The following DOCK1 variants were observed in gnomAD, a reference collection of about 807,000 sequenced individuals.
DOCK1 encodes the protein dedicator of cytokinesis 1.
Under a neutral mutation model 262.7 loss-of-function variants are expected in DOCK1, and 138 were observed. The observed-to-expected ratio is 0.53, with a 90% CI of 0.46 to 0.61. DOCK1 has a LOEUF of 0.61. Ranked by LOEUF, DOCK1 falls within the 20% of genes least tolerant of loss-of-function variation. The pLI is 0.00. For missense variants in DOCK1, 1,908 were observed against 2,370.7 expected (o/e 0.80, Z 4.05); for synonymous variants, 866 against 867.4 (o/e 1.00, Z 0.03).
intron 27 of DOCK1, among the ~76,000 whole-genome samples, chr10:127,241,142 G>A (rs1195098959): frequency 6.6e-6 from 1 of 152,080 alleles, no homozygotes; most frequent in East Asian, 1.9e-4. Context: ...GGCCAACCTG[G>A]CAAAACCCTG....
chr10:127,404,472 C>T (rs745326965), intron 40 of DOCK1, 43 bp downstream of exon 40: 58 of 1,574,702 alleles, frequency 3.7e-5, no homozygotes, highest in Middle Eastern at 1.7e-4. Context: ...ATTGTTCCCC[C>T]AGCAGAAAAT....
intron 27 of DOCK1, among the ~76,000 whole-genome samples, chr10:127,173,784 G>A (rs1361946771): frequency 6.6e-6 from 1 of 152,188 alleles, no homozygotes; most frequent in Non-Finnish European, 1.5e-5. Flanking sequence ...CTGTACTGAT[G>A]GAAATGGGAT....
chr10:127,007,211 A>C (rs1185594544), intron 10 of DOCK1, among the ~76,000 whole-genome samples: 1 of 151,986 alleles, frequency 6.6e-6, no homozygotes, highest in Non-Finnish European at 1.5e-5. Flanking sequence ...GAGTGGAGTG[A>C]GTGTGGGTGT....
At chr10:126,951,823 T>A (rs2134406844) in intron 1 of DOCK1, among the ~76,000 whole-genome samples, 1 of 151,296 alleles carries the variant, frequency 6.6e-6, no homozygotes, top group African/African-American at 2.4e-5. Context: ...ACTGAGTAAA[T>A]GACTATGTAA....
At chr10:127,249,430 TATACACACACAC>T (rs1399184906) in intron 28 of DOCK1, among the ~76,000 whole-genome samples, 7 of 132,096 alleles carry the variant, frequency 5.3e-5, no homozygotes, top group Admixed American at 4.6e-4. Flanking sequence ...TACATATATA[TATACACACACAC>T]ACACACACAC....
intron 2 of DOCK1, 42 bp downstream of exon 2, chr10:126,970,827 A>C: frequency 6.3e-7 from 1 of 1,596,458 alleles, no homozygotes; most frequent in Non-Finnish European, 8.6e-7. Context: ...CATTTTGGGC[A>C]GATGGCACAC....
At chr10:127,235,781 G>C (rs1300190587) in intron 27 of DOCK1, among the ~76,000 whole-genome samples, 1 of 73,192 alleles carries the variant, frequency 1.4e-5, no homozygotes, top group African/African-American at 3.9e-5. Context: ...GCATCTTTGT[G>C]GTGGTTGTTT....
intron 31 of DOCK1, among the ~76,000 whole-genome samples, chr10:127,350,379 A>G (rs1252350048): frequency 6.6e-6 from 1 of 151,050 alleles, no homozygotes; most frequent in Admixed American, 6.6e-5. Flanking sequence ...GCACTCCCCT[A>G]CTCCCTCCCT....
At chr10:127,024,097 C>T (rs2042648833) in intron 14 of DOCK1, among the ~76,000 whole-genome samples, 1 of 152,140 alleles carries the variant, frequency 6.6e-6, no homozygotes, top group Non-Finnish European at 1.5e-5. Context: ...AGCTGCTGTC[C>T]CTGTGAGGTG....
At chr10:127,262,340 C>G (rs981536333) in intron 29 of DOCK1, among the ~76,000 whole-genome samples, 1 of 151,984 alleles carries the variant, frequency 6.6e-6, no homozygotes, top group Non-Finnish European at 1.5e-5. Context: ...TGCAGAGATT[C>G]TTACTCTCAG....
Position 127,385,173 on chromosome 10 carries a change from C to G in DOCK1, c.3927+264C>G, listed in dbSNP as rs1485859671. Reference sequence around the variant, plus strand: ...TTACCAGAGGGAACTAAGTCTGGAACACTGATTCGGAGGTGTTTCCGTGCC... The same window carrying G: ...TTACCAGAGGGAACTAAGTCTGGAAGACTGATTCGGAGGTGTTTCCGTGCC... On this transcript the variant is annotated intron_variant, in intron 38 of 51. Transcript: ENST00000623213. Among the ~76,000 whole-genome samples the G allele has an allele frequency of 4.6e-5, 7 of 152,174 alleles. No individual in the cohort carries two copies. The East Asian group carries it at 1.4e-3, about 29-fold the overall frequency.
Position 127,367,495 on chromosome 10 carries a change from C to G in DOCK1, c.3432+5283C>G, listed in dbSNP as rs77971378. Reference sequence around the variant, plus strand: ...CAGTGAGTGCCTTAGGTCAGCTTGACAGCACTCGCTCTGGGGAGGTGGCGA... The same window carrying G: ...CAGTGAGTGCCTTAGGTCAGCTTGAGAGCACTCGCTCTGGGGAGGTGGCGA... On this transcript the variant is annotated intron_variant, in intron 33 of 51. Transcript: ENST00000623213. 1.9e-3 allele frequency among the ~76,000 whole-genome samples: 296 copies of G among 152,236 alleles called. 1 individual carries two copies. The highest frequency in any genetic ancestry group is 6.9e-3 in the African/African-American group (288 of 41,538).
At chr10:127,123,761 C>T (rs905917130) in intron 25 of DOCK1, among the ~76,000 whole-genome samples, 3 of 152,168 alleles carry the variant, frequency 2.0e-5, no homozygotes, top group Non-Finnish European at 2.9e-5. Flanking sequence ...GTCTCCTACA[C>T]GGGCAGCCCA....
chr10:127,264,589 G>A (rs182033539), intron 29 of DOCK1, among the ~76,000 whole-genome samples: 4 of 152,236 alleles, frequency 2.6e-5, no homozygotes, highest in Admixed American at 1.3e-4. Flanking sequence ...CAAATAAGAC[G>A]GTTGCCGGGT....
intron 15 of DOCK1, 90 bp from the exon 16 acceptor site, chr10:127,026,262 A>G (rs1476727185): frequency 6.6e-6 from 8 of 1,215,066 alleles, no homozygotes; most frequent in African/African-American, 3.0e-5. Context: ...AGAAATGTTT[A>G]CAGTTGTACC....
At chr10:126,965,757 G>T (rs1214896286) in intron 1 of DOCK1, among the ~76,000 whole-genome samples, 1 of 152,144 alleles carries the variant, frequency 6.6e-6, no homozygotes, top group East Asian at 1.9e-4. Flanking sequence ...CTCTGCATCA[G>T]TTGAGATGAT....
intron 38 of DOCK1, 112 bp from the exon 39 acceptor site, chr10:127,402,943 T>A (rs1177276163): frequency 9.9e-7 from 1 of 1,005,396 alleles, no homozygotes; most frequent in Non-Finnish European, 1.5e-6. Context: ...CCCATAATGT[T>A]TCATTCAAAT....
chr10:127,031,618 A>G (rs748148408), intron 16 of DOCK1, 32 bp from the exon 17 acceptor site: 1 of 1,509,246 alleles, frequency 6.6e-7, no homozygotes, highest in Admixed American at 1.8e-5. Flanking sequence ...AATTGAAAGC[A>G]ATCATCAATT....
rs187678961 is a variant in DOCK1 at position 127,317,155 on chromosome 10, C to A, written c.3045-21851C>A. ...CATTTCAGTAATAACTCTGTGACCT[C>A]ATTATATGCGTATTTTTGTATGATC... On this transcript the variant is annotated intron_variant, in intron 29 of 51. Transcript: ENST00000623213. 1.3e-3 allele frequency among the ~76,000 whole-genome samples: 202 copies of A among 152,294 alleles called. 1 individual carries two copies. The highest frequency in any genetic ancestry group is 2.4e-3 in the Admixed American group (36 of 15,296).
Sources: allele counts gnomAD v4.1 joint callset (sites outside exome capture counted in the v4.1 genomes callset), GRCh38; gene constraint gnomAD v4.1.1; transcripts MANE v1.5; gene names NCBI Gene and HGNC (gene_info 2026-07-23, HGNC 2026-07-21).